HYCC2: variants seen among roughly 807,000 people sequenced by gnomAD.
The protein encoded by HYCC2 is hyccin 2.
chr2:201,064,003 T>A, the HYCC2 span: 770 of 1,597,036 alleles, frequency 4.8e-4, 5 homozygotes, highest in African/African-American at 9.2e-3. Flanking sequence ...AAGGTGGCTA[T>A]GGCGGTTCCA....
At chr2:201,010,048 G>A in the HYCC2 span, among the ~76,000 whole-genome samples, 12 of 149,768 alleles carry the variant, frequency 8.0e-5, no homozygotes, top group African/African-American at 3.0e-4. Context: ...AGGTGGCAGT[G>A]AGCTGAGATC....
chr2:201,058,492 C>T, the HYCC2 span, among the ~76,000 whole-genome samples: 1 of 152,212 alleles, frequency 6.6e-6, no homozygotes, highest in Non-Finnish European at 1.5e-5. Flanking sequence ...GGGTGGATCG[C>T]TTGAGGTCAG....
At chr2:201,019,907 G>A in the HYCC2 span, among the ~76,000 whole-genome samples, 31 of 152,146 alleles carry the variant, frequency 2.0e-4, no homozygotes, top group South Asian at 1.7e-3. Flanking sequence ...CTTGAACACC[G>A]TGAGACTCTG....
the HYCC2 span, chr2:200,981,677 T>C: frequency 1.2e-6 from 2 of 1,614,192 alleles, no homozygotes. This position sits in a 1 kb window ranked among gnomAD's most constrained non-coding sequence, Gnocchi z 4.5. Context: ...GGGCTCTCAC[T>C]GGATTTGATG....
chr2:200,999,237 T>C, the HYCC2 span, among the ~76,000 whole-genome samples: 1 of 152,188 alleles, frequency 6.6e-6, no homozygotes, highest in South Asian at 2.1e-4. Context: ...TGGGATCCTA[T>C]GGTGAAGTTT....
At chr2:201,028,994 G>A in the HYCC2 span, among the ~76,000 whole-genome samples, 1 of 152,146 alleles carries the variant, frequency 6.6e-6, no homozygotes, top group Non-Finnish European at 1.5e-5. Flanking sequence ...CACAGCAAAA[G>A]AAACTACTGT....
chr2:201,011,100 G>A, the HYCC2 span, among the ~76,000 whole-genome samples: 3 of 151,852 alleles, frequency 2.0e-5, no homozygotes, highest in East Asian at 1.9e-4. Context: ...AGCCAAGATC[G>A]CACCACTGCA....
chr2:200,997,211 AGCC>A, the HYCC2 span: 1 of 346,648 alleles, frequency 2.9e-6, no homozygotes, highest in Non-Finnish European at 5.4e-6. Flanking sequence ...GCTATGATTG[AGCC>A]ACTGTACTCC....
At chr2:200,988,278 A>G in the HYCC2 span, 25 of 1,611,254 alleles carry the variant, frequency 1.6e-5, no homozygotes, top group African/African-American at 6.7e-5. Context: ...TTCTCCATCT[A>G]TGACGACGGA....
chr2:201,019,635 G>A, the HYCC2 span, among the ~76,000 whole-genome samples: 1 of 151,870 alleles, frequency 6.6e-6, no homozygotes, highest in Non-Finnish European at 1.5e-5. Flanking sequence ...CACCTGGGTA[G>A]TCCCAGCTAT....
At chr2:201,011,416 T>C in the HYCC2 span, 3 of 1,582,780 alleles carry the variant, frequency 1.9e-6, no homozygotes, top group East Asian at 6.8e-5. Flanking sequence ...AAGGCTTGGA[T>C]AAGGAGGGGA....
the HYCC2 span, among the ~76,000 whole-genome samples, chr2:201,035,950 C>T: frequency 2.6e-5 from 4 of 152,212 alleles, no homozygotes; most frequent in Admixed American, 6.5e-5. Flanking sequence ...GCTGCCTGAT[C>T]GTTCCTCTGG....
chr2:201,001,942 G>T, the HYCC2 span, among the ~76,000 whole-genome samples: 1 of 152,084 alleles, frequency 6.6e-6, no homozygotes, highest in Non-Finnish European at 1.5e-5. Flanking sequence ...AAAGTGCTGG[G>T]ATTATAGGCA....
the HYCC2 span, among the ~76,000 whole-genome samples, chr2:201,052,627 G>T: frequency 6.6e-6 from 1 of 152,020 alleles, no homozygotes; most frequent in South Asian, 2.1e-4. Flanking sequence ...AAAAAAGAAA[G>T]AAAGAAAGTA....
the HYCC2 span, among the ~76,000 whole-genome samples, chr2:201,006,484 T>G: frequency 6.6e-6 from 1 of 151,986 alleles, no homozygotes; most frequent in East Asian, 1.9e-4. Flanking sequence ...GGGAAATACA[T>G]TAGCACCTTG....
the HYCC2 span, among the ~76,000 whole-genome samples, chr2:200,993,822 A>T: frequency 6.6e-6 from 1 of 151,738 alleles, no homozygotes; most frequent in Admixed American, 6.6e-5. Flanking sequence ...TCTACTAAAA[A>T]TACAAAAAAA....
At chr2:201,018,574 G>T in the HYCC2 span, among the ~76,000 whole-genome samples, 13 of 152,260 alleles carry the variant, frequency 8.5e-5, no homozygotes, top group African/African-American at 2.9e-4. Context: ...CTTAGCTCTG[G>T]AAGAATTCTA....
At chr2:201,012,908 G>A in the HYCC2 span, among the ~76,000 whole-genome samples, 3 of 151,324 alleles carry the variant, frequency 2.0e-5, no homozygotes, top group Non-Finnish European at 4.4e-5. Flanking sequence ...TCACACTATC[G>A]CACTCTAGCC....
chr2:200,986,485 C>T, the HYCC2 span, among the ~76,000 whole-genome samples: 1 of 151,866 alleles, frequency 6.6e-6, no homozygotes, highest in African/African-American at 2.4e-5. Context: ...CCCTCTTTTA[C>T]AAAGCTAAAA....
Sources: gnomAD v4.1 joint callset for allele counts (sites outside exome capture counted in the v4.1 genomes callset) on GRCh38, gnomAD v4.1.1 for gene constraint, Gnocchi (gnomAD v3.1) non-coding constraint, MANE v1.5 for transcripts, NCBI Gene and HGNC (gene_info 2026-07-23, HGNC 2026-07-21) for gene names.